The following PBX4 variants were observed in gnomAD, a reference collection of about 807,000 sequenced individuals.
PBX4 encodes the protein PBX homeobox 4, also known as pre-B-cell leukemia transcription factor 4.
A neutral mutation model predicts 35.1 loss-of-function variants in PBX4; 26 were observed. The observed-to-expected ratio is 0.74, with a 90% confidence interval of 0.54 to 1.03. PBX4 has a LOEUF of 1.03. Among genes scored for constraint, PBX4 ranks in the 50% least tolerant of loss-of-function variants. The probability of loss-of-function intolerance (pLI) is 0.00; values close to 1 mark genes in which losing one functional copy is unlikely to be tolerated. For synonymous variants in PBX4, 199 were observed against 204.2 expected, an observed-to-expected ratio of 0.97 and a Z score of 0.22; for missense variants, 448 against 504.3, an observed-to-expected ratio of 0.89 and a Z score of 1.07.
intron 5 of PBX4, among the ~76,000 whole-genome samples, chr19:19,568,889 C>T (rs947277760): frequency 4.6e-5 from 7 of 152,254 alleles, no homozygotes; most frequent in Non-Finnish European, 8.8e-5. Flanking sequence ...TCTGGGACCT[C>T]GCATTCCATC....
At chr19:19,571,331 G>A (rs915501051) in intron 2 of PBX4, among the ~76,000 whole-genome samples, 5 of 152,138 alleles carry the variant, frequency 3.3e-5, no homozygotes, top group Admixed American at 3.3e-4. Flanking sequence ...GTTGGGGTGG[G>A]GGTGCTGTTA....
intron 2 of PBX4, among the ~76,000 whole-genome samples, chr19:19,579,526 C>CA (rs2061440563): frequency 6.6e-6 from 1 of 152,244 alleles, no homozygotes; most frequent in Non-Finnish European, 1.5e-5. Flanking sequence ...CCTGCCCCCT[C>CA]ACCCACTCAG....
intron 6 of PBX4, 150 bp downstream of exon 6, chr19:19,564,783 C>A (rs2061330613): frequency 1.0e-6 from 1 of 991,420 alleles, no homozygotes; most frequent in African/African-American, 1.6e-5. Context: ...CCAAGAGGAA[C>A]AGAACTCTCA....
chr19:19,569,506 G>C lies in PBX4; in HGVS notation c.711C>G (p.Tyr237Ter), dbSNP rs1485083799. 2 of 1,613,760 alleles carry C rather than the reference G, an allele frequency of 1.2e-6. No individual in the cohort carries two copies. ...GCTCTTCTTTGGCTTCTTCGCTGGG[G>C]TAAGGGTTGTTCAGATGGGAGTAAA... ...EYFYSHLNNPYPSEEAKEELA... is the reference protein window; with the variant it reads ...EYFYSHLNNP The change falls in exon 5 of 8, where the codon TAC becomes TAG. Residue 237 changes from tyrosine to a stop codon, truncating the protein, a stop_gained. Coordinates refer to ENST00000251203, the MANE Select transcript of PBX4 (RefSeq NM_025245.3). LOFTEE classifies it high-confidence loss of function.
At position 19,570,789 on chromosome 19, in the gene PBX4, G is replaced by A. The variant is rs1472489068; in HGVS notation, c.238C>T (p.Gln80Ter). Residue 80 changes from glutamine (Q) to a stop codon, truncating the protein, a stop_gained, in exon 3 of 8, where the codon CAG (glutamine) becomes TAG (stop). Transcript: ENST00000251203. LOFTEE classifies it high-confidence loss of function. ...GIQDEDPPDAQLLRLDNMLLA... is the reference protein window; with the variant it reads ...GIQDEDPPDA ...AGCATGTTATCCAGCCTCAGGAGCT[G>A]GGCGTCAGGGGGATCTTCGTCTTGA... 2 of 1,614,012 alleles carry A rather than the reference G, an allele frequency of 1.2e-6. No homozygotes were observed. The highest frequency in any genetic ancestry group is 3.3e-5 in the Admixed American group (2 of 60,000).
At chr19:19,605,928 AAAGT>A (rs1419626173) in intron 1 of PBX4, among the ~76,000 whole-genome samples, 2 of 151,798 alleles carry the variant, frequency 1.3e-5, no homozygotes, top group African/African-American at 4.8e-5. Flanking sequence ...TAATGCATAC[AAAGT>A]AATTTCATAG....
intron 5 of PBX4, among the ~76,000 whole-genome samples, chr19:19,566,952 C>A (rs1047000500): frequency 1.3e-5 from 2 of 152,146 alleles, no homozygotes; most frequent in Non-Finnish European, 2.9e-5. Flanking sequence ...TCAGGTGATT[C>A]GTCCGCCTTG....
At chr19:19,587,364 T>C (rs1332131386) in intron 2 of PBX4, among the ~76,000 whole-genome samples, 2 of 151,848 alleles carry the variant, frequency 1.3e-5, no homozygotes, top group Admixed American at 6.6e-5. Context: ...AAGGCGGGCA[T>C]ATCACCTGAG....
chr19:19,568,079 A>G (rs1295632937), intron 5 of PBX4, among the ~76,000 whole-genome samples: 1 of 146,058 alleles, frequency 6.8e-6, no homozygotes, highest in African/African-American at 2.6e-5. Context: ...GGGAGCTCAC[A>G]CTCTATCTGT....
intron 1 of PBX4, among the ~76,000 whole-genome samples, chr19:19,607,271 C>G (rs1410030063): frequency 6.6e-6 from 1 of 152,022 alleles, no homozygotes; most frequent in Non-Finnish European, 1.5e-5. Flanking sequence ...CCAGACTGGT[C>G]TAGAACTCCT....
intron 1 of PBX4, among the ~76,000 whole-genome samples, chr19:19,603,098 C>A (rs557716663): frequency 1.1e-4 from 16 of 152,178 alleles, no homozygotes; most frequent in Non-Finnish European, 1.9e-4. Context: ...CTGGGCCGTG[C>A]TTTCCCTCTC....
chr19:19,613,635 G>A (rs771386418), intron 1 of PBX4, among the ~76,000 whole-genome samples: 1 of 152,070 alleles, frequency 6.6e-6, no homozygotes, highest in Non-Finnish European at 1.5e-5. Context: ...TCCCGGTCTG[G>A]AAAGTACAAA....
chr19:19,599,479 C>T, intron 1 of PBX4, 114 bp from the exon 2 acceptor site: 5 of 841,798 alleles, frequency 5.9e-6, no homozygotes, highest in South Asian at 5.7e-5. Context: ...GCCACTCTGA[C>T]TGTAGATAAG....
In PBX4 at chr19:19,562,429, G is replaced by A. The variant is rs531222185; in HGVS notation, c.1033-312C>T. Among the ~76,000 whole-genome samples, 2 of 152,296 alleles carry A rather than the reference G, an allele frequency of 1.3e-5. No individual in the cohort carries two copies. Among genetic ancestry groups the A allele is most frequent in the African/African-American group, 4.8e-5 (2 of 41,580 alleles). ...AGGGCTCCTGCCCGGCGAGGGGCAG[G>A]GAGGCAAGGTCAGGCCTGGAGCCCA... On this transcript the variant is annotated intron_variant, in intron 7 of 7. Transcript: ENST00000251203. The surrounding 1 kb of genome is among the most constrained non-coding windows in gnomAD (Gnocchi z 4.8).
chr19:19,593,051 G>C (rs1220993332), intron 2 of PBX4, among the ~76,000 whole-genome samples: 1 of 152,220 alleles, frequency 6.6e-6, no homozygotes, highest in African/African-American at 2.4e-5. Context: ...AGGAAGCCCC[G>C]AGCTGCCTGC....
rs1345452499 is a variant in PBX4, at chr19:19,565,076, A to C, written c.782T>G (p.Phe261Cys). 2 of 1,614,148 alleles carry C rather than the reference A, an allele frequency of 1.2e-6. No individual in the cohort carries two copies. The highest frequency in any genetic ancestry group is 2.7e-5 in the African/African-American group (2 of 75,040). The change falls in exon 6 of 8, where the codon TTT becomes TGT. Residue 261 changes from phenylalanine to cysteine, a missense_variant. Coordinates refer to ENST00000251203, the MANE Select transcript of PBX4 (RefSeq NM_025245.3). ...GLTISQVSNW[F>C]GNKRIRYKKN... ...TTTATACCGGATTCTTTTGTTGCCA[A>C]ACCAGTTAGAGACCTGCGGACACAC...
intron 2 of PBX4, among the ~76,000 whole-genome samples, chr19:19,586,910 G>A (rs905629048): frequency 1.3e-5 from 2 of 151,712 alleles, no homozygotes; most frequent in South Asian, 4.2e-4. Flanking sequence ...CAGCATGGGC[G>A]ACAGAGTGAG....
At chr19:19,578,515 C>T (rs2061434729) in intron 2 of PBX4, among the ~76,000 whole-genome samples, 1 of 152,270 alleles carries the variant, frequency 6.6e-6, no homozygotes, top group African/African-American at 2.4e-5. Flanking sequence ...GACTGGCAGG[C>T]AGGGAGGCTG....
intron 1 of PBX4, among the ~76,000 whole-genome samples, chr19:19,614,632 C>G (rs1200965801): frequency 6.6e-6 from 1 of 152,036 alleles, no homozygotes; most frequent in African/African-American, 2.4e-5. Context: ...TGCACTCCAG[C>G]CTGGACAACA....
Sources: allele counts gnomAD v4.1 joint callset (sites outside exome capture counted in the v4.1 genomes callset), GRCh38; gene constraint gnomAD v4.1.1; non-coding constraint Gnocchi (gnomAD v3.1); transcripts MANE v1.5; gene names NCBI Gene and HGNC (gene_info 2026-07-23, HGNC 2026-07-21).